ZFAT: variants seen among roughly 807,000 people sequenced by gnomAD.
ZFAT encodes the protein zinc finger and AT-hook domain containing.
ZFAT carries 64 observed loss-of-function variants against 117.7 expected under a neutral mutation model. The observed-to-expected ratio is 0.54, with a 90% CI of 0.44 to 0.67. The LOEUF (loss-of-function observed/expected upper bound fraction) is 0.67, where lower values mean the gene tolerates loss of function less well. Among genes scored for constraint, ZFAT ranks in the 30% least tolerant of loss-of-function variants. ZFAT has a pLI of 0.00. For missense variants in ZFAT, 1,433 were observed against 1,584.5 expected (o/e 0.90, Z 1.62); for synonymous variants, 679 against 615.0 (o/e 1.10, Z -1.54).
At chr8:134,699,371 G>T (rs970724859) in intron 1 of ZFAT, among the ~76,000 whole-genome samples, 2 of 152,206 alleles carry the variant, frequency 1.3e-5, no homozygotes, top group Non-Finnish European at 2.9e-5. Context: ...CAGGTATAAA[G>T]ACCTGTGCTT....
At chr8:134,647,147 C>T (rs184452582) in intron 2 of ZFAT, among the ~76,000 whole-genome samples, 1 of 152,136 alleles carries the variant, frequency 6.6e-6, no homozygotes, top group Admixed American at 6.5e-5. Context: ...CCAAATTCAA[C>T]AGCACATTAA....
At chr8:134,649,203 C>CACACT in intron 2 of ZFAT, among the ~76,000 whole-genome samples, 1 of 143,882 alleles carries the variant, frequency 7.0e-6, no homozygotes, top group East Asian at 2.1e-4. Context: ...ACACACACAC[C>CACACT]CCATCATACT....
intron 13 of ZFAT, among the ~76,000 whole-genome samples, chr8:134,519,158 C>G (rs2130453993): frequency 6.6e-6 from 1 of 152,248 alleles, no homozygotes; most frequent in East Asian, 1.9e-4. Context: ...CAGAAAAAAT[C>G]TAATGGTATT....
chr8:134,579,689 G>A (rs1825583483), intron 10 of ZFAT, among the ~76,000 whole-genome samples: 1 of 152,208 alleles, frequency 6.6e-6, no homozygotes, highest in African/African-American at 2.4e-5. Flanking sequence ...GGTGGCTCAT[G>A]CCTGTAACCC....
chr8:134,674,408 T>A (rs1832697285), intron 1 of ZFAT, among the ~76,000 whole-genome samples: 1 of 152,044 alleles, frequency 6.6e-6, no homozygotes, highest in Non-Finnish European at 1.5e-5. Flanking sequence ...TGGAGCTTGG[T>A]GGGGGAAGGG....
In ZFAT at chr8:134,711,482, A is replaced by C. The variant is rs192547257; in HGVS notation, c.19+1363T>G. On this transcript the variant is annotated intron_variant, in intron 1 of 15. Transcript: ENST00000377838. ...CACACCTGAATCAGCTGGGCACCAC[A>C]GCTAATCAGCGCACCTGTGGTCACA... Among the ~76,000 whole-genome samples, 3 of 152,304 alleles carry C rather than the reference A, an allele frequency of 2.0e-5. No individual in the cohort carries two copies. The East Asian group carries it at 5.8e-4, about 29-fold the overall frequency.
intron 10 of ZFAT, among the ~76,000 whole-genome samples, chr8:134,572,736 C>T (rs1191395602): frequency 5.3e-5 from 8 of 152,012 alleles, no homozygotes; most frequent in African/African-American, 1.9e-4. Flanking sequence ...AGTCATACCA[C>T]TTTTTGGAGA....
chr8:134,530,592 C>T (rs1268451177), intron 12 of ZFAT, among the ~76,000 whole-genome samples: 1 of 152,168 alleles, frequency 6.6e-6, no homozygotes, highest in Admixed American at 6.5e-5. Flanking sequence ...TCTCCTTCTT[C>T]AACATGTCCC....
intron 11 of ZFAT, among the ~76,000 whole-genome samples, chr8:134,551,427 G>A (rs1219594509): frequency 2.6e-5 from 4 of 152,138 alleles, no homozygotes; most frequent in Admixed American, 6.6e-5. Flanking sequence ...CAGTCCACCC[G>A]TCTTATTCAT....
At chr8:134,686,514 A>C (rs1833332714) in intron 1 of ZFAT, among the ~76,000 whole-genome samples, 1 of 152,206 alleles carries the variant, frequency 6.6e-6, no homozygotes, top group African/African-American at 2.4e-5. Flanking sequence ...ATCTAAGAAA[A>C]TGTGAACAGC....
chr8:134,814,614 A>T, the ZFAT span, among the ~76,000 whole-genome samples: 1 of 152,214 alleles, frequency 6.6e-6, no homozygotes, highest in Non-Finnish European at 1.5e-5. Flanking sequence ...ATGAGAAGCC[A>T]AGGACATTCA....
At chr8:134,582,288 A>AG (rs1825765178) in intron 10 of ZFAT, among the ~76,000 whole-genome samples, 1 of 152,226 alleles carries the variant, frequency 6.6e-6, no homozygotes, top group South Asian at 2.1e-4. Flanking sequence ...CTGCAGAACC[A>AG]GGCATGAGAC....
In ZFAT at chr8:134,478,498, G is replaced by A. The variant is rs566167479; in HGVS notation, c.3716C>T (p.Pro1239Leu). 19 of 1,573,974 alleles carry A rather than the reference G, an allele frequency of 1.2e-5. No homozygotes were observed. Among genetic ancestry groups the A allele is most frequent in the Admixed American group, 1.1e-4 (6 of 54,442 alleles). The change falls in exon 16 of 16, where the codon CCG becomes CTG. Residue 1239 changes from proline to leucine, a missense_variant. Around this residue, in one of 5 missense-constraint regions of ZFAT, gnomAD observed 503 missense variants for 543.4 expected, o/e 0.93. Coordinates refer to ENST00000377838, the MANE Select transcript of ZFAT (RefSeq NM_020863.4). The surrounding 1 kb of genome is among the most constrained non-coding windows in gnomAD (Gnocchi z 5.2). The part of the protein sequence containing the change: ...QPVEEQAVEQ[P>L]AQEL ...ACATGTCCTCTAGAGTTCCTGGGCC[G>A]GCTGCTCCACAGCCTGCTCCTCCAC... is the stretch of plus-strand genomic sequence containing the variant.
upstream of ZFAT, among the ~76,000 whole-genome samples, chr8:134,713,568 A>G (rs1297779756): frequency 1.3e-5 from 2 of 152,136 alleles, no homozygotes; most frequent in African/African-American, 4.8e-5. Context: ...ATCACACGTG[A>G]CAAGGCGACT....
intron 12 of ZFAT, among the ~76,000 whole-genome samples, chr8:134,524,584 G>C (rs543187219): frequency 6.6e-6 from 1 of 152,138 alleles, no homozygotes; most frequent in Non-Finnish European, 1.5e-5. Context: ...TGGCACAACT[G>C]GGGGGTGCCC....
intron 15 of ZFAT, among the ~76,000 whole-genome samples, chr8:134,484,552 A>G (rs1459362036): frequency 6.6e-6 from 1 of 152,126 alleles, no homozygotes; most frequent in African/African-American, 2.4e-5. Context: ...ACCTTATTCT[A>G]TGGAAGGGAA....
intron 15 of ZFAT, among the ~76,000 whole-genome samples, chr8:134,505,683 G>A (rs1819355388): frequency 6.6e-6 from 1 of 152,122 alleles, no homozygotes; most frequent in Non-Finnish European, 1.5e-5. Context: ...TGGAGGAAGG[G>A]AGCCTCGGGT....
chr8:134,726,280 G>A, the ZFAT span, among the ~76,000 whole-genome samples: 2 of 152,146 alleles, frequency 1.3e-5, no homozygotes, highest in East Asian at 1.9e-4. Context: ...TTTGAGTTGG[G>A]GTTTTATGCA....
intron 14 of ZFAT, among the ~76,000 whole-genome samples, chr8:134,512,021 G>A (rs1223569902): frequency 6.6e-6 from 1 of 152,192 alleles, no homozygotes; most frequent in African/African-American, 2.4e-5. Context: ...GAGGAAGCAT[G>A]GAATGGGATG....
Sources: allele counts gnomAD v4.1 joint callset (sites outside exome capture counted in the v4.1 genomes callset), GRCh38; gene constraint gnomAD v4.1.1; regional missense constraint gnomAD v4.1.1; non-coding constraint Gnocchi (gnomAD v3.1); transcripts MANE v1.5; gene names NCBI Gene and HGNC (gene_info 2026-07-23, HGNC 2026-07-21).